Variants in ZNF618 observed in about 807,000 individuals in gnomAD.
The protein encoded by ZNF618 is zinc finger protein 618.
ZNF618 carries 34 observed loss-of-function variants against 103.0 expected under a neutral mutation model. That is an observed-to-expected ratio of 0.33 (90% CI 0.25 to 0.44). ZNF618 has a LOEUF of 0.44. Among genes scored for constraint, ZNF618 ranks in the 20% least tolerant of loss-of-function variants. The pLI is 1.00. For missense variants in ZNF618, 1,059 were observed against 1,295.4 expected, an observed-to-expected ratio of 0.82 and a Z score of 2.80; for synonymous variants, 551 against 542.2, an observed-to-expected ratio of 1.02 and a Z score of -0.23.
At chr9:113,877,296 A>T (rs1828043940) in intron 1 of ZNF618, among the ~76,000 whole-genome samples, 1 of 152,210 alleles carries the variant, frequency 6.6e-6, no homozygotes, top group Non-Finnish European at 1.5e-5. Context: ...TAATTGGAAT[A>T]AAGAAAGGAG....
In ZNF618 at chr9:114,048,966, C is replaced by A. The variant is rs764612964; in HGVS notation, c.1664C>A (p.Ser555Tyr). The A allele has an allele frequency of 3.1e-6, 5 of 1,612,612 alleles. No homozygotes were observed. In the Admixed American group the frequency reaches 8.4e-5, roughly 27 times the overall value. Residue 555 changes from serine to tyrosine, a missense_variant, in exon 15 of 15, where the codon TCC becomes TAC. Ser to Tyr is a moderately radical substitution (Grantham distance 144). Coordinates refer to ENST00000374126, the MANE Select transcript of ZNF618 (RefSeq NM_001318042.2). ...ACLGIGVTCH[S>Y]QSVGPDSCYI... Reference sequence around the variant, plus strand: ...CTAGGCATCGGTGTCACCTGCCACTCCCAGAGTGTTGGCCCTGACTCCTGC... The same window carrying A: ...CTAGGCATCGGTGTCACCTGCCACTACCAGAGTGTTGGCCCTGACTCCTGC...
chr9:114,031,696 T>G lies in ZNF618; in HGVS notation c.1085-949T>G, dbSNP rs563585858. 3.9e-5 allele frequency among the ~76,000 whole-genome samples: 6 copies of G among 152,266 alleles called. No individual in the cohort carries two copies. In the East Asian group the frequency reaches 1.2e-3, roughly 29 times the overall value. On this transcript the variant is annotated intron_variant, in intron 11 of 14. Coordinates refer to ENST00000374126, the MANE Select transcript of ZNF618 (RefSeq NM_001318042.2). ...GCCAGGTTAAGTAAATCTAAATGGG[T>G]CTGTTTGCGGGCAGACTTTGCGGAG... is the stretch of plus-strand genomic sequence containing the variant.
At chr9:114,027,205 G>A (rs550178497) in intron 10 of ZNF618, among the ~76,000 whole-genome samples, 2 of 152,340 alleles carry the variant, frequency 1.3e-5, no homozygotes, top group East Asian at 3.9e-4. Context: ...GAGAGCAGGA[G>A]AGTAGGTATA....
At chr9:114,032,327 A>G (rs1231969019) in intron 11 of ZNF618, among the ~76,000 whole-genome samples, 1 of 152,198 alleles carries the variant, frequency 6.6e-6, no homozygotes, top group Non-Finnish European at 1.5e-5. Flanking sequence ...GTGGCTCTCC[A>G]GGAGCCAAAG....
chr9:114,001,347 G>A (rs1315387874), intron 4 of ZNF618, among the ~76,000 whole-genome samples: 1 of 152,120 alleles, frequency 6.6e-6, no homozygotes, highest in Non-Finnish European at 1.5e-5. Flanking sequence ...TCCTCAGCAG[G>A]TGTGGGGGGC....
At chr9:114,040,401 C>G (rs1233874952) in intron 13 of ZNF618, among the ~76,000 whole-genome samples, 1 of 151,234 alleles carries the variant, frequency 6.6e-6, no homozygotes, top group Non-Finnish European at 1.5e-5. Context: ...AGGTTTGTTA[C>G]ATATGTATAC....
At chr9:113,995,936 A>G (rs1025346001) in intron 3 of ZNF618, among the ~76,000 whole-genome samples, 2 of 152,196 alleles carry the variant, frequency 1.3e-5, no homozygotes, top group African/African-American at 2.4e-5. Context: ...GAGAGTGGGA[A>G]GAACCAGCGA....
intron 1 of ZNF618, among the ~76,000 whole-genome samples, chr9:113,953,389 A>C (rs930100466): frequency 7.2e-5 from 11 of 152,236 alleles, no homozygotes; most frequent in African/African-American, 1.9e-4. Context: ...TTGAAAGTAT[A>C]ATGAATTTTT....
intron 1 of ZNF618, among the ~76,000 whole-genome samples, chr9:113,962,629 G>C (rs1450474606): frequency 6.6e-6 from 1 of 152,106 alleles, no homozygotes; most frequent in Non-Finnish European, 1.5e-5. Flanking sequence ...CTCCTGTCCT[G>C]GGGTCATTTG....
At chr9:113,936,985 A>G (rs1834083253) in intron 1 of ZNF618, among the ~76,000 whole-genome samples, 1 of 152,096 alleles carries the variant, frequency 6.6e-6, no homozygotes, top group African/African-American at 2.4e-5. Flanking sequence ...TCCTTCCCCA[A>G]CCTCATTCCC....
intron 1 of ZNF618, among the ~76,000 whole-genome samples, chr9:113,967,626 C>A (rs1406329125): frequency 6.6e-6 from 1 of 152,170 alleles, no homozygotes; most frequent in Non-Finnish European, 1.5e-5. Flanking sequence ...TAAATACATT[C>A]TTTGACCTGT....
At chr9:113,886,971 CTTTTTTTT>C (rs57000343) in intron 1 of ZNF618, among the ~76,000 whole-genome samples, 77 of 109,484 alleles carry the variant, frequency 7.0e-4, no homozygotes, top group African/African-American at 2.3e-3. Context: ...TTACTTTCTA[CTTTTTTTT>C]TTTTTTTTTT....
intron 9 of ZNF618, among the ~76,000 whole-genome samples, chr9:114,014,859 C>T (rs1326225962): frequency 6.6e-6 from 1 of 152,034 alleles, no homozygotes; most frequent in Non-Finnish European, 1.5e-5. Context: ...CCAGGGACCG[C>T]ACTTTGAGAA....
intron 1 of ZNF618, among the ~76,000 whole-genome samples, chr9:113,924,889 T>C (rs1832946283): frequency 6.6e-6 from 1 of 151,966 alleles, no homozygotes; most frequent in Non-Finnish European, 1.5e-5. Context: ...TTAGAGCAGA[T>C]TTTGTGTGGT....
intron 9 of ZNF618, among the ~76,000 whole-genome samples, chr9:114,011,486 T>C (rs1204006836): frequency 6.6e-6 from 1 of 152,238 alleles, no homozygotes; most frequent in Admixed American, 6.5e-5. Flanking sequence ...CCAGCTGGAC[T>C]GAATGGAGCT....
At chr9:114,013,645 A>T (rs1842434896) in intron 9 of ZNF618, among the ~76,000 whole-genome samples, 1 of 152,136 alleles carries the variant, frequency 6.6e-6, no homozygotes, top group South Asian at 2.1e-4. Flanking sequence ...GTTAGCCAGG[A>T]TGGTCTTGAT....
intron 1 of ZNF618, among the ~76,000 whole-genome samples, chr9:113,951,408 TATAC>T (rs562853523): frequency 3.2e-5 from 4 of 124,032 alleles, no homozygotes; most frequent in African/African-American, 1.3e-4. Context: ...TATACGTATA[TATAC>T]ACACATATAT....
At chr9:114,047,102 C>T (rs1009550646) in intron 13 of ZNF618, among the ~76,000 whole-genome samples, 4 of 152,206 alleles carry the variant, frequency 2.6e-5, no homozygotes, top group African/African-American at 4.8e-5. Context: ...CAGACCATTT[C>T]CTATTTAGAA....
chr9:113,955,605 T>C (rs1362872407), intron 1 of ZNF618, among the ~76,000 whole-genome samples: 1 of 152,092 alleles, frequency 6.6e-6, no homozygotes, highest in African/African-American at 2.4e-5. Context: ...TGACCAGGAG[T>C]TATTTTGCAA....
Sources: allele counts gnomAD v4.1 joint callset (sites outside exome capture counted in the v4.1 genomes callset), GRCh38; gene constraint gnomAD v4.1.1; transcripts MANE v1.5; gene names NCBI Gene and HGNC (gene_info 2026-07-23, HGNC 2026-07-21).